Variants in ACR observed in about 807,000 individuals in gnomAD.
ACR encodes the protein acrosin.
ACR carries 17 observed loss-of-function variants against 26.0 expected under a neutral mutation model. The observed-to-expected ratio is 0.65, with a 90% confidence interval of 0.45 to 0.98. The LOEUF (loss-of-function observed/expected upper bound fraction) is 0.98, where lower values mean the gene tolerates loss of function less well. Ranked by LOEUF, ACR falls within the 50% of genes least tolerant of loss-of-function variation. The probability of loss-of-function intolerance (pLI) is 0.00; values close to 1 mark genes in which losing one functional copy is unlikely to be tolerated. For missense variants in ACR, 435 were observed against 519.3 expected, an observed-to-expected ratio of 0.84 and a Z score of 1.58; for synonymous variants, 199 against 207.7, an observed-to-expected ratio of 0.96 and a Z score of 0.36.
At chr22:50,743,740 G>A (rs955074508) in intron 3 of ACR, among the ~76,000 whole-genome samples, 1 of 152,154 alleles carries the variant, frequency 6.6e-6, no homozygotes. Context: ...GTGCACACTA[G>A]GTGTTATTGG....
In ACR at chr22:50,738,210, C is replaced by T. The variant is rs2083406966; in HGVS notation, c.-26C>T. 1.9e-6 allele frequency: 3 copies of T among 1,612,896 alleles called. No individual in the cohort carries two copies. Among genetic ancestry groups the T allele is most frequent in the African/African-American group, 1.3e-5 (1 of 74,896 alleles). On this transcript the variant is annotated 5_prime_UTR_variant, in exon 1 of 5. Coordinates refer to ENST00000216139, the MANE Select transcript of ACR (RefSeq NM_001097.3). ...CACGGAGCTTTGTGAGGTCACTAGG[C>T]TTGCAGGCCAGGCAGTGCCAGGAGT...
chr22:50,743,668 G>C (rs1333790784), intron 3 of ACR: 2 of 214,530 alleles, frequency 9.3e-6, no homozygotes, highest in African/African-American at 4.6e-5. Context: ...CTGGGTGGGC[G>C]GTGCTCCAGC....
At chr22:50,740,054 G>T (rs1216039580) in intron 3 of ACR, 77 bp downstream of exon 3, 1 of 1,583,584 alleles carries the variant, frequency 6.3e-7, no homozygotes, top group African/African-American at 1.3e-5. Flanking sequence ...GCGGTCACTT[G>T]TTGACACCCA....
intron 3 of ACR, 86 bp downstream of exon 3, chr22:50,740,063 C>T: frequency 1.9e-6 from 3 of 1,557,790 alleles, no homozygotes; most frequent in Middle Eastern, 1.7e-4. Flanking sequence ...TGTTGACACC[C>T]AGCCAGGCTG....
rs1204798980 is a variant in ACR at position 50,739,064 on chromosome 22, C to T, written c.78-207C>T. Among the ~76,000 whole-genome samples the T allele has an allele frequency of 2.0e-5, 3 of 152,224 alleles. No homozygotes were observed. Among genetic ancestry groups the T allele is most frequent in the South Asian group, 2.1e-4 (1 of 4,832 alleles). On this transcript the variant is annotated intron_variant, in intron 1 of 4. Transcript: ENST00000216139. This position sits in a 1 kb window ranked among gnomAD's most constrained non-coding sequence, Gnocchi z 5.5. Reference sequence around the variant, plus strand: ...TCCTCTTTCTCCATCTGTGACTGCACCCACAAGACCTGAGAAGTCGTGGCC... The same window carrying T: ...TCCTCTTTCTCCATCTGTGACTGCATCCACAAGACCTGAGAAGTCGTGGCC...
In ACR at chr22:50,739,969, A is replaced by C; in HGVS notation, c.557A>C (p.Glu186Ala). The stretch of plus-strand genomic sequence containing the variant: ...TGGGTGGCCGGCTGGGGATATATAG[A>C]AGAGAAAGGTGAGTATGGGAGCGCC... ...SCWVAGWGYI[E>A]EKAPRPSSIL... is the part of the protein sequence containing the mutation. Residue 186 changes from glutamate (E) to alanine (A), a missense_variant, in exon 3 of 5, where the codon GAA (glutamate) becomes GCA (alanine). By Grantham distance (107) the Glu-to-Ala change is moderately radical. This residue lies in a region of ACR where 314 missense variants were observed against 372.0 expected (regional missense o/e 0.84). Coordinates refer to ENST00000216139, the MANE Select transcript of ACR (RefSeq NM_001097.3). The surrounding 1 kb of genome is among the most constrained non-coding windows in gnomAD (Gnocchi z 5.5). 6.2e-7 allele frequency: 1 copy of C among 1,613,402 alleles called. No homozygotes were observed. The highest frequency in any genetic ancestry group is 1.7e-5 in the Admixed American group (1 of 60,010).
rs781501868 is a variant in ACR, at chr22:50,744,688, C to A, written c.747C>A (p.Ser249Arg). 3.7e-6 allele frequency: 6 copies of A among 1,613,152 alleles called. No individual in the cohort carries two copies. The highest frequency in any genetic ancestry group is 3.3e-5 in the South Asian group (3 of 91,060). ...DSGGPLMCKD[S>R]KESAYVVVGI... Reference sequence around the variant, plus strand: ...GCGGGCCTCTCATGTGCAAAGACAGCAAGGAAAGCGCCTATGTGGTCGTGG... The same window carrying A: ...GCGGGCCTCTCATGTGCAAAGACAGAAAGGAAAGCGCCTATGTGGTCGTGG... Residue 249 changes from serine (S) to arginine (R), a missense_variant, in exon 5 of 5, where the codon AGC becomes AGA. Coordinates refer to ENST00000216139, the MANE Select transcript of ACR (RefSeq NM_001097.3).
chr22:50,744,670 T>C lies in ACR; in HGVS notation c.729T>C (p.Pro243=). 10 of 1,611,512 alleles carry C rather than the reference T, an allele frequency of 6.2e-6. No individual in the cohort carries two copies. Among genetic ancestry groups the C allele is most frequent in the Non-Finnish European group, 8.5e-6 (10 of 1,178,852 alleles). Residue 243 remains proline, a synonymous_variant, in exon 5 of 5, where the codon CCT becomes CCC. Transcript: ENST00000216139. The part of the protein sequence containing the change: ...IDTCQGDSGG[P]LMCKDSKESA... ...CTGGACAGGGAGACAGCGGCGGGCC[T>C]CTCATGTGCAAAGACAGCAAGGAAA... is the stretch of plus-strand genomic sequence containing the variant.
chr22:50,744,658 C>T lies in ACR; in HGVS notation c.717C>T (p.Asp239=), dbSNP rs768356443. ...PVGKIDTCQG[D]SGGPLMCKDS... ...CTCTGTGTCCTTCTGGACAGGGAGA[C>T]AGCGGCGGGCCTCTCATGTGCAAAG... Residue 239 remains aspartate, a synonymous_variant, in exon 5 of 5, where the codon GAC becomes GAT. Transcript: ENST00000216139. The T allele has an allele frequency of 5.0e-6, 8 of 1,609,532 alleles. No individual in the cohort carries two copies. Among genetic ancestry groups the T allele is most frequent in the Non-Finnish European group, 5.9e-6 (7 of 1,177,480 alleles).
intron 3 of ACR, chr22:50,740,372 C>T: frequency 3.4e-6 from 2 of 584,298 alleles, no homozygotes; most frequent in South Asian, 2.0e-5. Flanking sequence ...GCCTTGGTTT[C>T]CTCATCTGTA....
Position 50,739,881 on chromosome 22 carries a change from T to C in ACR, c.469T>C (p.Phe157Leu). ...EITPPISCGRFIGPGCLPHFK... is the reference protein window; with the variant it reads ...EITPPISCGRLIGPGCLPHFK... Reference sequence around the variant, plus strand: ...CACCCCTCCCATTTCGTGTGGGCGCTTCATTGGGCCGGGCTGCCTGCCCCA... The same window carrying C: ...CACCCCTCCCATTTCGTGTGGGCGCCTCATTGGGCCGGGCTGCCTGCCCCA... Residue 157 changes from phenylalanine to leucine, a missense_variant, in exon 3 of 5, where the codon TTC becomes CTC. Transcript: ENST00000216139. The surrounding 1 kb of genome is among the most constrained non-coding windows in gnomAD (Gnocchi z 5.5). 6.2e-7 allele frequency: 1 copy of C among 1,612,576 alleles called. No homozygotes were observed. Among genetic ancestry groups the C allele is most frequent in the Non-Finnish European group, 8.5e-7 (1 of 1,179,052 alleles).
Position 50,744,932 on chromosome 22 carries a change from C to T in ACR, c.991C>T (p.Pro331Ser), listed in dbSNP as rs771560591. The change falls in exon 5 of 5, where the codon CCC becomes TCC. Residue 331 changes from proline to serine, a missense_variant. Pro to Ser is a moderately conservative substitution (Grantham distance 74, BLOSUM62 -1). This residue lies in a region of ACR where 92 missense variants were observed against 87.8 expected (regional missense o/e 1.05). Transcript: ENST00000216139. Reference sequence around the variant, plus strand: ...TCACCTTCCTTGGTATTTCCAACCGCCCCCTCGACCACTTCCACCCCGACC... The same window carrying T: ...TCACCTTCCTTGGTATTTCCAACCGTCCCCTCGACCACTTCCACCCCGACC... The part of the protein sequence containing the change: ...SAHLPWYFQP[P>S]PRPLPPRPPA... The T allele has an allele frequency of 9.1e-5, 140 of 1,544,378 alleles. 1 individual carries two copies. Among genetic ancestry groups the T allele is most frequent in the Middle Eastern group, 5.4e-4 (3 of 5,530 alleles).
At chr22:50,743,723 G>A (rs2083436903) in intron 3 of ACR, among the ~76,000 whole-genome samples, 1 of 152,188 alleles carries the variant, frequency 6.6e-6, no homozygotes, top group South Asian at 2.1e-4. Context: ...GACTCAGGGA[G>A]TGCTTGGTGC....
chr22:50,740,470 T>A, intron 3 of ACR: 1 of 636,334 alleles, frequency 1.6e-6, no homozygotes, highest in Non-Finnish European at 2.8e-6. Context: ...TTCCAGGCTG[T>A]CTTTGTCACC....
chr22:50,742,824 C>T (rs2083431193), intron 3 of ACR, among the ~76,000 whole-genome samples: 1 of 152,222 alleles, frequency 6.6e-6, no homozygotes, highest in Admixed American at 6.5e-5. Flanking sequence ...TGTTCTGGGT[C>T]TGCCCCTACC....
chr22:50,738,801 C>A (rs2083410546), intron 1 of ACR, among the ~76,000 whole-genome samples: 1 of 152,068 alleles, frequency 6.6e-6, no homozygotes, highest in Admixed American at 6.5e-5. Context: ...TCAGTGTGCC[C>A]CCTACACCTG....
In ACR at chr22:50,744,208, T is replaced by C. The variant is rs2083439249; in HGVS notation, c.711+2T>C. ...GTAGGCAAGATCGACACCTGCCAGGTAACCTTCCTTCTGGCTTCTGGGCCC... is the reference window on the plus strand; with the variant it reads ...GTAGGCAAGATCGACACCTGCCAGGCAACCTTCCTTCTGGCTTCTGGGCCC... On this transcript the variant is annotated splice_donor_variant, in intron 4 of 4. Coordinates refer to ENST00000216139, the MANE Select transcript of ACR (RefSeq NM_001097.3). LOFTEE classifies it high-confidence loss of function. 1 of 1,612,082 alleles carries C rather than the reference T, an allele frequency of 6.2e-7. No homozygotes were observed. Among genetic ancestry groups the C allele is most frequent in the Non-Finnish European group, 8.5e-7 (1 of 1,178,632 alleles).
chr22:50,740,461 T>G (rs1211123979), intron 3 of ACR: 2 of 626,652 alleles, frequency 3.2e-6, no homozygotes, highest in East Asian at 2.7e-5. Context: ...CCTTCCTGCT[T>G]CCAGGCTGTC....
At chr22:50,740,688 T>C in intron 3 of ACR, 1 of 702,542 alleles carries the variant, frequency 1.4e-6, no homozygotes, top group Non-Finnish European at 2.6e-6. Context: ...TAGAGCTCTG[T>C]CCATAACCAA....
Sources: gnomAD v4.1 joint callset for allele counts (sites outside exome capture counted in the v4.1 genomes callset) on GRCh38, gnomAD v4.1.1 for gene constraint, gnomAD v4.1.1 regional missense constraint, Gnocchi (gnomAD v3.1) non-coding constraint, MANE v1.5 for transcripts, NCBI Gene and HGNC (gene_info 2026-07-23, HGNC 2026-07-21) for gene names.